ESR2: variants seen among roughly 807,000 people sequenced by gnomAD.
The protein encoded by ESR2 is estrogen receptor beta.
Under a neutral mutation model 49.6 loss-of-function variants are expected in ESR2, and 36 were observed. That is an observed-to-expected ratio of 0.73 (90% CI 0.56 to 0.96). The LOEUF (loss-of-function observed/expected upper bound fraction) is 0.96. ESR2 is among the 40% of genes least tolerant of loss of function. The probability of loss-of-function intolerance (pLI) is 0.00; values close to 1 mark genes in which losing one functional copy is unlikely to be tolerated. For synonymous variants in ESR2, 320 were observed against 266.1 expected (o/e 1.20, Z -1.97); for missense variants, 714 against 693.0 (o/e 1.03, Z -0.34).
chr14:64,246,175 T>C (rs2075851058), intron 7 of ESR2, among the ~76,000 whole-genome samples: 1 of 152,222 alleles, frequency 6.6e-6, no homozygotes, highest in East Asian at 1.9e-4. Context: ...AAACCCTGTC[T>C]GACATGGTTA....
At chr14:64,301,227 C>T (rs1300767335) in intron 1 of ESR2, 2 of 152,166 alleles carry the variant, frequency 1.3e-5, no homozygotes, top group East Asian at 3.8e-4. Context: ...ATAAGACAAC[C>T]TACAATGCCT....
rs2098724602 is a variant in ESR2, at chr14:64,228,693, C to A, written c.*4444G>T. 6.6e-6 allele frequency among the ~76,000 whole-genome samples: 1 copy of A among 152,160 alleles called. No individual in the cohort carries two copies. The highest frequency in any genetic ancestry group is 1.5e-5 in the Non-Finnish European group (1 of 68,034). ...TTGTACAGTTAACAGGAACTGTTCGCGGCTGGTATCACCACTCCTTATGTG... is the reference window on the plus strand; with the variant it reads ...TTGTACAGTTAACAGGAACTGTTCGAGGCTGGTATCACCACTCCTTATGTG... On this transcript the variant is annotated 3_prime_UTR_variant, in exon 9 of 9. Coordinates refer to ENST00000341099, the MANE Select transcript of ESR2 (RefSeq NM_001437.3).
Position 64,228,814 on chromosome 14 carries a change from A to T in ESR2, c.*4323T>A, listed in dbSNP as rs561336805. On this transcript the variant is annotated 3_prime_UTR_variant, in exon 9 of 9. Coordinates refer to ENST00000341099, the MANE Select transcript of ESR2 (RefSeq NM_001437.3). ...TAAAAAACAAACAAACAAACAAACA[A>T]AAAACCTCCCTGACTCCAAAGCAAC... is the stretch of plus-strand genomic sequence containing the variant. Among the ~76,000 whole-genome samples, 1 of 152,298 alleles carries T rather than the reference A, an allele frequency of 6.6e-6. No homozygotes were observed. Among genetic ancestry groups the T allele is most frequent in the East Asian group, 1.9e-4 (1 of 5,196 alleles).
chr14:64,246,855 G>C (rs1368098166), intron 7 of ESR2, among the ~76,000 whole-genome samples: 1 of 150,434 alleles, frequency 6.6e-6, no homozygotes, highest in African/African-American at 2.4e-5. Flanking sequence ...AAGGTGAATG[G>C]TAACAATAAA....
intron 7 of ESR2, among the ~76,000 whole-genome samples, chr14:64,242,449 A>T (rs1249378400): frequency 2.7e-5 from 4 of 145,812 alleles, no homozygotes; most frequent in South Asian, 2.1e-4. Flanking sequence ...ACAAACAAAA[A>T]AAATATATAT....
At chr14:64,285,145 G>A (rs771136224) in intron 1 of ESR2, among the ~76,000 whole-genome samples, 3 of 152,062 alleles carry the variant, frequency 2.0e-5, no homozygotes, top group Middle Eastern at 3.2e-3. Flanking sequence ...CACTGTGCCC[G>A]GCCAGCTCTC....
At chr14:64,262,565 C>T (rs1003186873) in intron 4 of ESR2, among the ~76,000 whole-genome samples, 12 of 151,958 alleles carry the variant, frequency 7.9e-5, no homozygotes, top group African/African-American at 2.9e-4. Context: ...ATCAAGAACA[C>T]GTTACAAAAC....
chr14:64,250,897 A>G (rs1336865643), intron 6 of ESR2, among the ~76,000 whole-genome samples: 1 of 152,216 alleles, frequency 6.6e-6, no homozygotes, highest in African/African-American at 2.4e-5. Context: ...CAGAGCTACA[A>G]GCATGCAAAT....
upstream of ESR2, among the ~76,000 whole-genome samples, chr14:64,295,419 G>A (rs1179370562): frequency 6.6e-6 from 1 of 152,174 alleles, no homozygotes; most frequent in African/African-American, 2.4e-5. Context: ...GAGGTCCACA[G>A]GTAATGAAGA....
upstream of ESR2, among the ~76,000 whole-genome samples, chr14:64,295,267 G>A (rs1023659009): frequency 6.6e-6 from 1 of 152,240 alleles, no homozygotes; most frequent in Non-Finnish European, 1.5e-5. Context: ...AAGGGACATG[G>A]TTTTTGAGGG....
chr14:64,316,488 T>C (rs150741009), intron 1 of ESR2, among the ~76,000 whole-genome samples: 225 of 152,048 alleles, frequency 1.5e-3, no homozygotes, highest in African/African-American at 5.3e-3. Flanking sequence ...TACCCTGATA[T>C]AAAAACCAAA....
chr14:64,244,158 G>A (rs960289336), intron 7 of ESR2, among the ~76,000 whole-genome samples: 13 of 152,102 alleles, frequency 8.5e-5, no homozygotes, highest in African/African-American at 2.9e-4. Flanking sequence ...CTGCACTTTC[G>A]GAGGCCAAAG....
chr14:64,278,287 G>T (rs2076596801), intron 3 of ESR2, among the ~76,000 whole-genome samples: 1 of 152,120 alleles, frequency 6.6e-6, no homozygotes, highest in Non-Finnish European at 1.5e-5. Context: ...GAGGAAACAG[G>T]CTAGGAGGTG....
Position 64,232,815 on chromosome 14 carries a change from A to T in ESR2, c.*322T>A, listed in dbSNP as rs2098728536. 1 of 248,880 alleles carries T rather than the reference A, an allele frequency of 4.0e-6. No individual in the cohort carries two copies. The highest frequency in any genetic ancestry group is 5.0e-5 in the Admixed American group (1 of 19,912). 15.4% of individuals were successfully genotyped at this position (248,880 alleles called of 1,614,324 possible). ...AGCCCTTCCAAGTCAGATTTCCACC[A>T]TTCATTCCAAAACCTTTAAGATGTT... On this transcript the variant is annotated 3_prime_UTR_variant, in exon 9 of 9. Coordinates refer to ENST00000341099, the MANE Select transcript of ESR2 (RefSeq NM_001437.3).
At chr14:64,272,538 T>A (rs2076472073) in intron 3 of ESR2, among the ~76,000 whole-genome samples, 1 of 152,252 alleles carries the variant, frequency 6.6e-6, no homozygotes, top group Non-Finnish European at 1.5e-5. Flanking sequence ...AGGCCTTAGA[T>A]TTAAGTCACT....
At chr14:64,236,743 G>A (rs1289093209) in intron 7 of ESR2, among the ~76,000 whole-genome samples, 2 of 152,028 alleles carry the variant, frequency 1.3e-5, no homozygotes, top group African/African-American at 4.8e-5. Flanking sequence ...AACCTGGTCA[G>A]AAATTCCTTC....
intron 3 of ESR2, among the ~76,000 whole-genome samples, chr14:64,276,189 C>T (rs2076554053): frequency 6.6e-6 from 1 of 152,048 alleles, no homozygotes; most frequent in Non-Finnish European, 1.5e-5. Context: ...ACTATTTCTG[C>T]ATATCAAAAT....
At position 64,230,761 on chromosome 14, in the gene ESR2, T is replaced by C. The variant is rs2140593807; in HGVS notation, c.*2376A>G. On this transcript the variant is annotated 3_prime_UTR_variant, in exon 9 of 9. Transcript: ENST00000341099. ...CAGCTGGAAACTCACTGTGCGGCGC[T>C]CCTGATACTGCCCACTCGAGGCTCT... Among the ~76,000 whole-genome samples the C allele has an allele frequency of 1.3e-5, 2 of 151,188 alleles. No individual in the cohort carries two copies. The highest frequency in any genetic ancestry group is 4.9e-5 in the African/African-American group (2 of 41,130).
intron 3 of ESR2, among the ~76,000 whole-genome samples, chr14:64,276,541 T>C (rs148074415): frequency 6.6e-6 from 1 of 152,326 alleles, no homozygotes; most frequent in East Asian, 1.9e-4. Flanking sequence ...TTCTTAAGAC[T>C]TGAACACTTG....
Sources: gnomAD v4.1 joint callset for allele counts (sites outside exome capture counted in the v4.1 genomes callset) on GRCh38, gnomAD v4.1.1 for gene constraint, MANE v1.5 for transcripts, NCBI Gene and HGNC (gene_info 2026-07-23, HGNC 2026-07-21) for gene names.